NBAS: variants seen among roughly 807,000 people sequenced by gnomAD.
NBAS encodes the protein NBAS subunit of NRZ tethering complex.
A neutral mutation model predicts 302.5 loss-of-function variants in NBAS; 219 were observed. That is an observed-to-expected ratio of 0.72 (90% CI 0.65 to 0.81). The LOEUF is 0.81. Ranked by LOEUF, NBAS falls within the 30% of genes least tolerant of loss-of-function variation. The pLI is 0.00. For missense variants in NBAS, 2,932 were observed against 2,841.6 expected (o/e 1.03, Z -0.72); for synonymous variants, 1,118 against 1,021.6 (o/e 1.09, Z -1.80).
At chr2:15,425,625 A>G (rs1010604247) in intron 22 of NBAS, among the ~76,000 whole-genome samples, 2 of 152,134 alleles carry the variant, frequency 1.3e-5, no homozygotes, top group Non-Finnish European at 2.9e-5. Flanking sequence ...ACTTCCCTAT[A>G]TATGGAATGG....
chr2:14,791,231 T>C, the NBAS span, among the ~76,000 whole-genome samples: 4 of 152,058 alleles, frequency 2.6e-5, no homozygotes, highest in African/African-American at 9.7e-5. Context: ...CCTCAGGTGA[T>C]CCACCTGCCT....
intron 48 of NBAS, 21 bp from the exon 49 acceptor site, chr2:15,190,424 T>C (rs1221281377): frequency 2.5e-6 from 4 of 1,613,568 alleles, no homozygotes; most frequent in Non-Finnish European, 3.4e-6. Context: ...AAATACACAC[T>C]TAAAGCTGGT....
the NBAS span, among the ~76,000 whole-genome samples, chr2:14,865,211 A>G: frequency 1.3e-5 from 2 of 152,094 alleles, no homozygotes; most frequent in African/African-American, 4.8e-5. Flanking sequence ...GTGGGGGGGA[A>G]TAATAACTCT....
chr2:15,334,332 G>C (rs2148245821), intron 35 of NBAS, among the ~76,000 whole-genome samples: 1 of 152,142 alleles, frequency 6.6e-6, no homozygotes. Flanking sequence ...TGGGACTACA[G>C]GTGCCCACCA....
intron 10 of NBAS, among the ~76,000 whole-genome samples, chr2:15,509,285 T>G (rs1397790669): frequency 6.6e-6 from 1 of 152,200 alleles, no homozygotes; most frequent in Non-Finnish European, 1.5e-5. Context: ...TATTATGCTC[T>G]ATGGTGCCTT....
intron 28 of NBAS, among the ~76,000 whole-genome samples, chr2:15,393,463 A>G (rs1406934352): frequency 6.6e-6 from 1 of 152,146 alleles, no homozygotes; most frequent in African/African-American, 2.4e-5. Context: ...CAATCAATGT[A>G]GGATGCAGCA....
At chr2:14,909,269 G>A in the NBAS span, among the ~76,000 whole-genome samples, 5 of 150,004 alleles carry the variant, frequency 3.3e-5, no homozygotes, top group Admixed American at 6.6e-5. Flanking sequence ...GCAGTGAGCC[G>A]GGATTGTGCC....
the NBAS span, among the ~76,000 whole-genome samples, chr2:15,039,621 C>T: frequency 6.6e-6 from 1 of 152,110 alleles, no homozygotes; most frequent in African/African-American, 2.4e-5. Flanking sequence ...GAGGGGTTTC[C>T]GTAAAGCCAT....
chr2:15,087,757 G>A, the NBAS span, among the ~76,000 whole-genome samples: 4 of 152,190 alleles, frequency 2.6e-5, no homozygotes, highest in Admixed American at 2.6e-4. Context: ...CATTTGAGAG[G>A]CGGTGTACCA....
rs1665298437 is a variant in NBAS, at chr2:15,190,461, G to A, written c.6433-58C>T. The A allele has an allele frequency of 3.2e-6, 5 of 1,583,380 alleles. No homozygotes were observed. The African/African-American group carries it at 5.4e-5, about 17-fold the overall frequency. ...GCAAAGGCTACTGAATTGGTTTATA[G>A]AATAATTCTACTTTATTTTAATTAA... On this transcript the variant is annotated intron_variant, in intron 48 of 51. Coordinates refer to ENST00000281513, the MANE Select transcript of NBAS (RefSeq NM_015909.4).
chr2:15,523,807 G>A (rs1364726377), intron 9 of NBAS, among the ~76,000 whole-genome samples: 2 of 152,132 alleles, frequency 1.3e-5, no homozygotes, highest in South Asian at 2.1e-4. Flanking sequence ...CCAGCAACTC[G>A]AGAAGCTGAG....
the NBAS span, among the ~76,000 whole-genome samples, chr2:14,806,144 G>A: frequency 6.6e-6 from 1 of 152,144 alleles, no homozygotes; most frequent in Non-Finnish European, 1.5e-5. Flanking sequence ...GTAGGTCTGA[G>A]ATGCTAACCT....
the NBAS span, among the ~76,000 whole-genome samples, chr2:15,056,662 G>T: frequency 6.6e-6 from 1 of 152,160 alleles, no homozygotes; most frequent in South Asian, 2.1e-4. Context: ...GGCTGGCTGT[G>T]TCAAAGGCAG....
the NBAS span, among the ~76,000 whole-genome samples, chr2:15,091,368 C>G: frequency 1.1e-4 from 17 of 152,282 alleles, no homozygotes; most frequent in Middle Eastern, 6.8e-3. Context: ...AACCCCTCCT[C>G]TTTTTCCTCC....
the NBAS span, among the ~76,000 whole-genome samples, chr2:15,015,888 A>G: frequency 6.6e-6 from 1 of 151,784 alleles, no homozygotes; most frequent in African/African-American, 2.4e-5. Context: ...TAAAGACTCT[A>G]CCAAAAAAAA....
At chr2:15,251,730 G>A (rs967222705) in intron 44 of NBAS, among the ~76,000 whole-genome samples, 5 of 152,130 alleles carry the variant, frequency 3.3e-5, no homozygotes, top group Admixed American at 2.0e-4. Flanking sequence ...GCTCACTCTC[G>A]TCACCATCTT....
chr2:15,437,910 G>C (rs113303996), intron 21 of NBAS, among the ~76,000 whole-genome samples: 2,632 of 152,246 alleles, frequency 0.017, 67 homozygotes, highest in African/African-American at 0.06. Context: ...TGAGAACCAA[G>C]GGTCCAAGAA....
the NBAS span, among the ~76,000 whole-genome samples, chr2:15,001,443 A>G: frequency 0.014 from 2,138 of 152,268 alleles, 42 homozygotes; most frequent in African/African-American, 0.04. Flanking sequence ...TTATTAGGTG[A>G]TAAAAAGATG....
the NBAS span, among the ~76,000 whole-genome samples, chr2:14,913,110 ATTT>A: frequency 6.6e-6 from 1 of 152,218 alleles, no homozygotes; most frequent in African/African-American, 2.4e-5. Flanking sequence ...TTGGAACTTT[ATTT>A]AACTTTCATC....
Sources: gnomAD v4.1 joint callset for allele counts (sites outside exome capture counted in the v4.1 genomes callset) on GRCh38, gnomAD v4.1.1 for gene constraint, MANE v1.5 for transcripts, NCBI Gene and HGNC (gene_info 2026-07-23, HGNC 2026-07-21) for gene names.